The following PIK3R6 variants were observed in gnomAD, a reference collection of about 807,000 sequenced individuals.
The protein encoded by PIK3R6 is phosphoinositide 3-kinase regulatory subunit 6.
A neutral mutation model predicts 84.9 loss-of-function variants in PIK3R6; 91 were observed. That is an observed-to-expected ratio of 1.07 (90% CI 0.90 to 1.28). The LOEUF (loss-of-function observed/expected upper bound fraction) is 1.28. Ranked by LOEUF, PIK3R6 falls within the 50% of genes most tolerant of loss-of-function variation. PIK3R6 has a pLI of 0.00. For missense variants in PIK3R6, 996 were observed against 985.1 expected (o/e 1.01, Z -0.15); for synonymous variants, 416 against 411.4 (o/e 1.01, Z -0.13).
rs748744006 is a variant in PIK3R6 at position 8,838,340 on chromosome 17, G to A, written c.189+224C>T. On this transcript the variant is annotated intron_variant, in intron 4 of 19. Coordinates refer to ENST00000619866, the MANE Select transcript of PIK3R6 (RefSeq NM_001010855.4). ...ATGCGGGTTTTCCATTTGTGGTCGC[G>A]TTATAGTGCTTCTTTTTGAAAGATG... The A allele has an allele frequency of 6.1e-4, 314 of 515,110 alleles. 4 individuals carry two copies. Among genetic ancestry groups the A allele is most frequent in the Non-Finnish European group, 2.6e-4 (75 of 285,254 alleles). The allele number at this position is 515,110 out of a possible 1,614,324, so 31.9% of individuals were successfully genotyped here. A position where few individuals can be genotyped will look rare whatever the true frequency, so the allele number is the denominator to read the frequency against.
chr17:8,849,857 G>A lies in PIK3R6; in HGVS notation c.-63C>T, dbSNP rs2088901737. 3 of 1,591,674 alleles carry A rather than the reference G, an allele frequency of 1.9e-6. No homozygotes were observed. Among genetic ancestry groups the A allele is most frequent in the African/African-American group, 1.3e-5 (1 of 74,224 alleles). On this transcript the variant is annotated 5_prime_UTR_variant, in exon 2 of 20. Coordinates refer to ENST00000619866, the MANE Select transcript of PIK3R6 (RefSeq NM_001010855.4). The stretch of plus-strand genomic sequence containing the variant: ...TCTCGGGCAGCAGAATAGAGAACAA[G>A]GTGGTTGCTTTTCTGCACAGAGGTG...
intron 1 of PIK3R6, among the ~76,000 whole-genome samples, chr17:8,865,305 A>T (rs1423246137): frequency 1.3e-5 from 2 of 152,148 alleles, no homozygotes; most frequent in African/African-American, 4.8e-5. Flanking sequence ...GTTCAGACAG[A>T]AGAACCCACC....
At chr17:8,834,366 G>A (rs1025977992) in intron 8 of PIK3R6, among the ~76,000 whole-genome samples, 1 of 151,432 alleles carries the variant, frequency 6.6e-6, no homozygotes, top group African/African-American at 2.4e-5. Context: ...AGAGAGATGG[G>A]AACAGGTCAA....
intron 11 of PIK3R6, 112 bp from the exon 12 acceptor site, chr17:8,828,302 A>C (rs915755347): frequency 1.1e-5 from 13 of 1,169,316 alleles, no homozygotes; most frequent in Non-Finnish European, 1.6e-5. Context: ...CATCTTTCTG[A>C]GCCTCTGCTT....
chr17:8,808,396 G>A (rs747552507), intron 18 of PIK3R6, among the ~76,000 whole-genome samples: 2 of 151,838 alleles, frequency 1.3e-5, no homozygotes, highest in African/African-American at 2.4e-5. Flanking sequence ...GTATCCTTGG[G>A]GGTCCCGGAA....
At chr17:8,850,770 A>G (rs546562862) in intron 1 of PIK3R6, among the ~76,000 whole-genome samples, 1 of 152,392 alleles carries the variant, frequency 6.6e-6, no homozygotes, top group South Asian at 2.1e-4. Flanking sequence ...CGAAGAGACA[A>G]TATTAGAAAT....
At chr17:8,816,953 A>G (rs938864607) in intron 18 of PIK3R6, among the ~76,000 whole-genome samples, 1 of 152,232 alleles carries the variant, frequency 6.6e-6, no homozygotes, top group Non-Finnish European at 1.5e-5. Context: ...ACCCCTAAGG[A>G]AATTGCTCAC....
chr17:8,827,764 GA>G (rs1567583726), intron 12 of PIK3R6, among the ~76,000 whole-genome samples: 28 of 4,992 alleles, frequency 5.6e-3, no homozygotes, highest in East Asian at 0.012. Context: ...AGAGAGAGAG[GA>G]GAGAGAGAGA....
At chr17:8,827,891 G>A (rs2087999961) in intron 12 of PIK3R6, among the ~76,000 whole-genome samples, 1 of 151,782 alleles carries the variant, frequency 6.6e-6, no homozygotes, top group Non-Finnish European at 1.5e-5. Flanking sequence ...CAAGCAGGCT[G>A]CCATCAAGAG....
chr17:8,834,995 G>A (rs375654173), intron 8 of PIK3R6, among the ~76,000 whole-genome samples: 41 of 152,136 alleles, frequency 2.7e-4, no homozygotes, highest in African/African-American at 8.2e-4. Context: ...CCGCCACCAC[G>A]GCCAGTTAGT....
chr17:8,845,173 G>T (rs958233610), intron 2 of PIK3R6, among the ~76,000 whole-genome samples: 18 of 151,722 alleles, frequency 1.2e-4, no homozygotes, highest in African/African-American at 4.1e-4. Context: ...ATTTGTTTTT[G>T]GGGGGATATA....
intron 3 of PIK3R6, 99 bp from the exon 4 acceptor site, chr17:8,838,754 C>A: frequency 8.5e-7 from 1 of 1,169,684 alleles, no homozygotes; most frequent in Non-Finnish European, 1.2e-6. Context: ...TCAGCTGCAG[C>A]TCTGACCAGC....
At chr17:8,866,595 G>A (rs1256610246) in intron 1 of PIK3R6, among the ~76,000 whole-genome samples, 1 of 152,044 alleles carries the variant, frequency 6.6e-6, no homozygotes, top group African/African-American at 2.4e-5. Context: ...CTCTAGCTGT[G>A]CTCCCCCCAA....
chr17:8,858,778 G>A (rs1204249694), intron 1 of PIK3R6, among the ~76,000 whole-genome samples: 1 of 152,352 alleles, frequency 6.6e-6, no homozygotes, highest in East Asian at 1.9e-4. Context: ...AGCACCAGCT[G>A]TGTTCTGCAC....
chr17:8,867,553 C>A lies in PIK3R6; in HGVS notation c.-116G>T, dbSNP rs761514744. ...CCTTGGTTCGGTGGCAGCTTCTGGGCTCCCCAAGTCCTTCAGCCAACTCCC... is the reference window on the plus strand; with the variant it reads ...CCTTGGTTCGGTGGCAGCTTCTGGGATCCCCAAGTCCTTCAGCCAACTCCC... On this transcript the variant is annotated 5_prime_UTR_variant, in exon 1 of 20. Coordinates refer to ENST00000619866, the MANE Select transcript of PIK3R6 (RefSeq NM_001010855.4). 1 of 493,670 alleles carries A rather than the reference C, an allele frequency of 2.0e-6. No homozygotes were observed. The highest frequency in any genetic ancestry group is 4.1e-6 in the Non-Finnish European group (1 of 244,924). The allele number at this position is 493,670 out of a possible 1,614,324, so 30.6% of individuals were successfully genotyped here.
intron 1 of PIK3R6, among the ~76,000 whole-genome samples, chr17:8,860,343 T>G (rs894195614): frequency 6.6e-6 from 1 of 152,130 alleles, no homozygotes; most frequent in Admixed American, 6.5e-5. Context: ...TATTGTGAAC[T>G]GCGCATGCAA....
chr17:8,814,462 C>T (rs1243078945), intron 18 of PIK3R6, among the ~76,000 whole-genome samples: 2 of 152,032 alleles, frequency 1.3e-5, no homozygotes, highest in Non-Finnish European at 1.5e-5. Context: ...TCGTGATCCG[C>T]CCTCCTCTGC....
intron 16 of PIK3R6, among the ~76,000 whole-genome samples, chr17:8,822,238 C>CT (rs1406771042): frequency 2.0e-5 from 3 of 152,024 alleles, no homozygotes; most frequent in African/African-American, 7.3e-5. Context: ...CAGATAAAGG[C>CT]TTAAAGCACT....
chr17:8,824,212 T>C (rs2087845298), intron 13 of PIK3R6, among the ~76,000 whole-genome samples: 3 of 152,224 alleles, frequency 2.0e-5, no homozygotes, highest in Admixed American at 1.3e-4. Context: ...GAGGTTGCAG[T>C]GAGCCAAGAT....
Sources: gnomAD v4.1 joint callset for allele counts (sites outside exome capture counted in the v4.1 genomes callset) on GRCh38, gnomAD v4.1.1 for gene constraint, MANE v1.5 for transcripts, NCBI Gene and HGNC (gene_info 2026-07-23, HGNC 2026-07-21) for gene names.